FAM114A1: variants seen among roughly 807,000 people sequenced by gnomAD.
The protein encoded by FAM114A1 is protein NOXP20.
FAM114A1 carries 62 observed loss-of-function variants against 64.3 expected under a neutral mutation model. The ratio of observed to expected loss-of-function variants is 0.96; its 90% CI spans 0.79 to 1.19. The LOEUF (loss-of-function observed/expected upper bound fraction) is 1.19, where lower values mean the gene tolerates loss of function less well. Among genes scored for constraint, FAM114A1 ranks in the 50% most tolerant of loss-of-function variants. The pLI, the probability that FAM114A1 is intolerant of heterozygous loss-of-function variation, is 0.00. For synonymous variants in FAM114A1, 254 were observed against 251.1 expected, an observed-to-expected ratio of 1.01 and a Z score of -0.11; for missense variants, 645 against 676.3, an observed-to-expected ratio of 0.95 and a Z score of 0.51.
chr4:38,898,984 GTAATATATGTTA>G (rs1717232947), intron 4 of FAM114A1, among the ~76,000 whole-genome samples: 1 of 106,494 alleles, frequency 9.4e-6, no homozygotes, highest in Non-Finnish European at 2.3e-5. Flanking sequence ...TGTTATATAT[GTAATATATGTTA>G]TATATGTAGT....
chr4:38,916,544 A>G (rs1181255142), intron 8 of FAM114A1, among the ~76,000 whole-genome samples: 1 of 152,218 alleles, frequency 6.6e-6, no homozygotes, highest in African/African-American at 2.4e-5. Context: ...CATCATTCTC[A>G]GCAAACCAAC....
At position 38,894,162 on chromosome 4, in the gene FAM114A1, C is replaced by CA. The variant is rs60660305; in HGVS notation, c.436+2358dup. On this transcript the variant is annotated intron_variant, in intron 4 of 14. Transcript: ENST00000358869. The stretch of plus-strand genomic sequence containing the variant: ...TGGGCAATAGAATGAGAGTATGTCT[C>CA]AAAAAAAAAAAAAAAAAAAAAAAAA... Among the ~76,000 whole-genome samples, 282 of 80,280 alleles carry CA rather than the reference C, an allele frequency of 3.5e-3. 8 individuals are homozygous for CA. The highest frequency in any genetic ancestry group is 6.6e-3 in the African/African-American group (130 of 19,768). 52.7% of individuals were successfully genotyped at this position (80,280 alleles called of 152,430 possible). A position where few individuals can be genotyped will look rare whatever the true frequency, so the allele number is the denominator to read the frequency against.
At chr4:38,908,804 T>G in intron 7 of FAM114A1, 78 bp downstream of exon 7, 1 of 1,336,854 alleles carries the variant, frequency 7.5e-7, no homozygotes, top group Non-Finnish European at 1.0e-6. Context: ...TTTGAATAGC[T>G]CATTTAAAGC....
At chr4:38,914,131 CTT>C (rs1390964096) in intron 7 of FAM114A1, among the ~76,000 whole-genome samples, 3 of 151,760 alleles carry the variant, frequency 2.0e-5, no homozygotes, top group Admixed American at 1.3e-4. Flanking sequence ...AAAATTATAA[CTT>C]AGAAAAAATC....
intron 4 of FAM114A1, among the ~76,000 whole-genome samples, chr4:38,902,399 C>A (rs1717601185): frequency 6.6e-6 from 1 of 152,156 alleles, no homozygotes; most frequent in African/African-American, 2.4e-5. Context: ...ATCCTCCTTT[C>A]AGAGAATGCA....
rs189862328 is a variant in FAM114A1 at position 38,921,436 on chromosome 4, T to A, written c.946-1334T>A. Among the ~76,000 whole-genome samples, 45 of 151,756 alleles carry A rather than the reference T, an allele frequency of 3.0e-4. 1 individual carries two copies. The highest frequency in any genetic ancestry group is 1.0e-3 in the African/African-American group (43 of 41,126). ...GCATTCCTGGCTAATTTTCTTAAAA[T>A]TTTTTATAGAGATGGGGTCTCACTA... On this transcript the variant is annotated intron_variant, in intron 8 of 14. Transcript: ENST00000358869.
At chr4:38,891,653 C>A in intron 3 of FAM114A1, 90 bp from the exon 4 acceptor site, 1 of 1,153,740 alleles carries the variant, frequency 8.7e-7, no homozygotes, top group South Asian at 1.6e-5. Flanking sequence ...GATTCTTTTC[C>A]AAACCTCCTC....
chr4:38,913,809 A>T (rs1718785728), intron 7 of FAM114A1, among the ~76,000 whole-genome samples: 1 of 152,196 alleles, frequency 6.6e-6, no homozygotes, highest in South Asian at 2.1e-4. Flanking sequence ...TTAAAATATT[A>T]AAACTCGGCC....
rs540888208 is a variant in FAM114A1, at chr4:38,877,531, G to A, written c.-8-540G>A. ...GTAATGCGAGCGATGGGGAGCAGCT[G>A]TAAATACAGAGGAAGCTGTGCTCAC... On this transcript the variant is annotated intron_variant, in intron 2 of 14. Coordinates refer to ENST00000358869, the MANE Select transcript of FAM114A1 (RefSeq NM_138389.4). 6.6e-5 allele frequency among the ~76,000 whole-genome samples: 10 copies of A among 152,300 alleles called. No homozygotes were observed. The South Asian group carries it at 1.7e-3, about 25-fold the overall frequency.
intron 4 of FAM114A1, among the ~76,000 whole-genome samples, chr4:38,898,037 G>T (rs1010879874): frequency 6.6e-6 from 1 of 152,058 alleles, no homozygotes; most frequent in African/African-American, 2.4e-5. Context: ...CTTCCAAAAT[G>T]TATTACTAGG....
At position 38,943,647 on chromosome 4, in the gene FAM114A1, CACAG is replaced by C; in HGVS notation, c.*94_*97del. 1 of 1,091,604 alleles carries C rather than the reference CACAG, an allele frequency of 9.2e-7. No individual in the cohort carries two copies. The highest frequency in any genetic ancestry group is 1.4e-6 in the Non-Finnish European group (1 of 721,082). 67.6% of individuals were successfully genotyped at this position (1,091,604 alleles called of 1,614,324 possible). ...AGGGGATGTTCTCTGTGCGCCTGGCCACAGACATCCATTTGAGGACACTACAAGC... is the reference window on the plus strand; with the variant it reads ...AGGGGATGTTCTCTGTGCGCCTGGCCACATCCATTTGAGGACACTACAAGC... On this transcript the variant is annotated 3_prime_UTR_variant, in exon 15 of 15. Transcript: ENST00000358869.
At chr4:38,910,252 A>T (rs1718411297) in intron 7 of FAM114A1, among the ~76,000 whole-genome samples, 1 of 152,108 alleles carries the variant, frequency 6.6e-6, no homozygotes, top group Non-Finnish European at 1.5e-5. Flanking sequence ...AAAAAAAAAG[A>T]AGAGAAAGGA....
At chr4:38,908,453 T>C in intron 6 of FAM114A1, 139 bp from the exon 7 acceptor site, 1 of 735,572 alleles carries the variant, frequency 1.4e-6, no homozygotes, top group Non-Finnish European at 2.1e-6. Flanking sequence ...AAATGGATGA[T>C]AAATCTCCTG....
intron 7 of FAM114A1, among the ~76,000 whole-genome samples, chr4:38,909,359 G>A (rs888933895): frequency 2.0e-5 from 3 of 152,152 alleles, no homozygotes; most frequent in Non-Finnish European, 2.9e-5. Context: ...ATTATGTGTC[G>A]GTATAATAGG....
At chr4:38,933,593 CAT>C (rs1048754192) in intron 12 of FAM114A1, among the ~76,000 whole-genome samples, 195 of 152,194 alleles carry the variant, frequency 1.3e-3, no homozygotes, top group African/African-American at 4.6e-3. Flanking sequence ...ATATGTGTAA[CAT>C]ATATGAATAT....
intron 4 of FAM114A1, among the ~76,000 whole-genome samples, chr4:38,902,102 G>C (rs941955313): frequency 1.3e-5 from 2 of 152,168 alleles, no homozygotes; most frequent in African/African-American, 4.8e-5. Context: ...TACACATGTG[G>C]GTTCTAGAGT....
intron 6 of FAM114A1, among the ~76,000 whole-genome samples, chr4:38,906,737 G>A (rs1033380622): frequency 5.9e-5 from 9 of 152,262 alleles, no homozygotes; most frequent in African/African-American, 1.4e-4. Flanking sequence ...GTTTCACCAC[G>A]TTGGCCAGGC....
At chr4:38,881,841 G>C (rs1324062360) in intron 3 of FAM114A1, among the ~76,000 whole-genome samples, 2 of 152,206 alleles carry the variant, frequency 1.3e-5, no homozygotes, top group African/African-American at 4.8e-5. Context: ...CTCCAGAGCA[G>C]AGTGAATTGT....
At chr4:38,933,609 A>G (rs1720844649) in intron 12 of FAM114A1, among the ~76,000 whole-genome samples, 1 of 152,232 alleles carries the variant, frequency 6.6e-6, no homozygotes, top group Non-Finnish European at 1.5e-5. Context: ...TGAATATGCA[A>G]TCTAGTGAAT....
Sources: allele counts gnomAD v4.1 joint callset (sites outside exome capture counted in the v4.1 genomes callset), GRCh38; gene constraint gnomAD v4.1.1; transcripts MANE v1.5; gene names NCBI Gene and HGNC (gene_info 2026-07-23, HGNC 2026-07-21).